Variants in ZCWPW2 observed in about 807,000 individuals in gnomAD.
The protein encoded by ZCWPW2 is zinc finger CW-type PWWP domain protein 2.
In ZCWPW2, 45 loss-of-function variants were observed where a neutral mutation model predicts 46.6. That is an observed-to-expected ratio of 0.96 (90% confidence interval 0.76 to 1.24). ZCWPW2 has a LOEUF of 1.24. ZCWPW2 is among the 50% of genes most tolerant of loss of function. The probability of loss-of-function intolerance (pLI) is 0.00; values close to 1 mark genes in which losing one functional copy is unlikely to be tolerated. For missense variants in ZCWPW2, 429 were observed against 403.9 expected (o/e 1.06, Z -0.53); for synonymous variants, 152 against 137.1 (o/e 1.11, Z -0.76).
At chr3:28,409,175 C>A (rs1019263806) in intron 2 of ZCWPW2, among the ~76,000 whole-genome samples, 2 of 127,852 alleles carry the variant, frequency 1.6e-5, no homozygotes, top group African/African-American at 6.1e-5. Flanking sequence ...GGCTGGAATG[C>A]ATGGTGCGAT....
intron 3 of ZCWPW2, among the ~76,000 whole-genome samples, chr3:28,413,916 A>G (rs1424373159): frequency 1.3e-5 from 2 of 152,086 alleles, no homozygotes; most frequent in East Asian, 1.9e-4. Context: ...CATGTATTCT[A>G]TAATTGTTGC....
chr3:28,405,770 G>A (rs529312230), intron 2 of ZCWPW2, among the ~76,000 whole-genome samples: 7 of 152,114 alleles, frequency 4.6e-5, no homozygotes, highest in African/African-American at 1.2e-4. Context: ...CACCCCACCC[G>A]GCCAACAGAC....
chr3:28,397,738 A>C lies in ZCWPW2; in HGVS notation c.-14+7121A>C, dbSNP rs544717091. 3.2e-4 allele frequency among the ~76,000 whole-genome samples: 49 copies of C among 152,366 alleles called. 1 individual carries two copies. The South Asian group carries it at 4.4e-3, about 14-fold the overall frequency. On this transcript the variant is annotated intron_variant, in intron 2 of 9. Transcript: ENST00000383768. Reference sequence around the variant, plus strand: ...CAGAAATCTTTGTAGAATTTATGTAAAATCAACACAGACTTTTCTTACTTT... The same window carrying C: ...CAGAAATCTTTGTAGAATTTATGTACAATCAACACAGACTTTTCTTACTTT...
At chr3:28,394,360 A>G (rs538838939) in intron 2 of ZCWPW2, among the ~76,000 whole-genome samples, 1 of 152,272 alleles carries the variant, frequency 6.6e-6, no homozygotes, top group African/African-American at 2.4e-5. Context: ...CAATCTACAG[A>G]TTCAATGCAA....
intron 2 of ZCWPW2, 141 bp from the exon 3 acceptor site, chr3:28,412,915 A>G: frequency 1.7e-6 from 1 of 576,020 alleles, no homozygotes; most frequent in Non-Finnish European, 2.9e-6. Context: ...CAACGTGTTC[A>G]ACATATGTAG....
chr3:28,474,168 A>C (rs1284448422), intron 4 of ZCWPW2, among the ~76,000 whole-genome samples: 1 of 152,196 alleles, frequency 6.6e-6, no homozygotes, highest in Non-Finnish European at 1.5e-5. Flanking sequence ...ACCTACAAAA[A>C]TTAAAAATTA....
chr3:28,472,032 T>G (rs1246333557), intron 4 of ZCWPW2, among the ~76,000 whole-genome samples: 1 of 152,078 alleles, frequency 6.6e-6, no homozygotes, highest in Non-Finnish European at 1.5e-5. Flanking sequence ...AAGTGAAAAT[T>G]TTTTACAATG....
intron 6 of ZCWPW2, among the ~76,000 whole-genome samples, chr3:28,513,159 C>A (rs1457933543): frequency 2.6e-5 from 4 of 152,122 alleles, no homozygotes; most frequent in African/African-American, 9.7e-5. Flanking sequence ...CTATACAGTG[C>A]AAATATAATT....
intron 4 of ZCWPW2, among the ~76,000 whole-genome samples, chr3:28,457,641 G>T (rs1698473851): frequency 6.6e-6 from 1 of 152,148 alleles, no homozygotes; most frequent in Admixed American, 6.5e-5. Context: ...ATAAGCACTG[G>T]CCTTAAAAAC....
In ZCWPW2 at chr3:28,396,777, A is replaced by T. The variant is rs147216886; in HGVS notation, c.-14+6160A>T. On this transcript the variant is annotated intron_variant, in intron 2 of 9. Transcript: ENST00000383768. ...AAACAATAAAACCAATTTCTATCAT[A>T]AGTAGCCGTTTATCTTCATTACTAT... is the stretch of plus-strand genomic sequence containing the variant. Among the ~76,000 whole-genome samples, 373 of 152,324 alleles carry T rather than the reference A, an allele frequency of 2.4e-3. 1 individual carries two copies. Among genetic ancestry groups the T allele is most frequent in the African/African-American group, 8.2e-3 (340 of 41,564 alleles).
chr3:28,349,457 CA>C (rs1042830148), intron 1 of ZCWPW2, among the ~76,000 whole-genome samples: 1 of 152,202 alleles, frequency 6.6e-6, no homozygotes, highest in African/African-American at 2.4e-5. Flanking sequence ...ACTTGAGGCA[CA>C]AGCTCGACGA....
At chr3:28,357,869 A>G (rs1183248050) in intron 1 of ZCWPW2, among the ~76,000 whole-genome samples, 1 of 149,220 alleles carries the variant, frequency 6.7e-6, no homozygotes, top group Non-Finnish European at 1.5e-5. Context: ...TTCTCTACAG[A>G]ACCCTGACAA....
At chr3:28,403,930 C>G (rs1177734484) in intron 2 of ZCWPW2, among the ~76,000 whole-genome samples, 1 of 152,138 alleles carries the variant, frequency 6.6e-6, no homozygotes, top group African/African-American at 2.4e-5. Context: ...AAACCTGAAA[C>G]TATAAAAATT....
intron 1 of ZCWPW2, among the ~76,000 whole-genome samples, chr3:28,380,554 GT>G (rs1695012158): frequency 6.6e-6 from 1 of 151,838 alleles, no homozygotes; most frequent in African/African-American, 2.4e-5. Context: ...TTGTCATGTC[GT>G]CAATGATTTC....
intron 9 of ZCWPW2, among the ~76,000 whole-genome samples, chr3:28,521,964 T>G (rs1169326600): frequency 1.3e-5 from 2 of 152,174 alleles, no homozygotes; most frequent in Non-Finnish European, 2.9e-5. Flanking sequence ...ACTTATGTAA[T>G]TTGAAAAAGT....
intron 9 of ZCWPW2, among the ~76,000 whole-genome samples, chr3:28,521,469 C>A (rs1483013038): frequency 6.6e-6 from 1 of 152,150 alleles, no homozygotes; most frequent in Non-Finnish European, 1.5e-5. Context: ...GCCAGGATAC[C>A]AAGAGCTCAC....
chr3:28,394,657 A>G (rs913077112), intron 2 of ZCWPW2, among the ~76,000 whole-genome samples: 3 of 152,144 alleles, frequency 2.0e-5, no homozygotes, highest in Non-Finnish European at 4.4e-5. Context: ...CACAATGGGG[A>G]CAAGAATAGT....
Position 28,479,701 on chromosome 3 carries a change from A to G in ZCWPW2, c.610+770A>G, listed in dbSNP as rs148128886. Among the ~76,000 whole-genome samples the G allele has an allele frequency of 2.6e-3, 393 of 152,108 alleles. 1 individual carries two copies. The highest frequency in any genetic ancestry group is 8.6e-3 in the African/African-American group (356 of 41,500). On this transcript the variant is annotated intron_variant, in intron 5 of 9. Coordinates refer to ENST00000383768, the MANE Select transcript of ZCWPW2 (RefSeq NM_001040432.4). ...ACCTTCCACCCTCTGATAAACCCCAATGTGTGTTGTTCTTCTCTATGTGCC... is the reference window on the plus strand; with the variant it reads ...ACCTTCCACCCTCTGATAAACCCCAGTGTGTGTTGTTCTTCTCTATGTGCC...
chr3:28,357,172 A>T (rs953333612), intron 1 of ZCWPW2, among the ~76,000 whole-genome samples: 1 of 152,192 alleles, frequency 6.6e-6, no homozygotes, highest in East Asian at 1.9e-4. Flanking sequence ...AGACAAAGCA[A>T]TTATTCAGAG....
Sources: allele counts gnomAD v4.1 joint callset (sites outside exome capture counted in the v4.1 genomes callset), GRCh38; gene constraint gnomAD v4.1.1; transcripts MANE v1.5; gene names NCBI Gene and HGNC (gene_info 2026-07-23, HGNC 2026-07-21).